CIDEB: variants seen among roughly 807,000 people sequenced by gnomAD.
CIDEB encodes the protein lipid transferase CIDEB.
CIDEB carries 27 observed loss-of-function variants against 22.4 expected under a neutral mutation model. That is an observed-to-expected ratio of 1.21 (90% CI 0.89 to 1.66). The LOEUF (loss-of-function observed/expected upper bound fraction) is 1.66, where lower values mean the gene tolerates loss of function less well. Among genes scored for constraint, CIDEB ranks in the 40% most tolerant of loss-of-function variants. The pLI is 0.00. For synonymous variants in CIDEB, 103 were observed against 109.5 expected, an observed-to-expected ratio of 0.94 and a Z score of 0.37; for missense variants, 289 against 268.7, an observed-to-expected ratio of 1.08 and a Z score of -0.53.
upstream of CIDEB, chr14:24,311,241 C>G (rs552807473): frequency 3.1e-6 from 5 of 1,608,194 alleles, no homozygotes; most frequent in Middle Eastern, 1.7e-4. Context: ...TTTCGTGCTT[C>G]CTTTCGGGCT....
upstream of CIDEB, chr14:24,310,524 G>T: frequency 1.1e-6 from 1 of 915,504 alleles, no homozygotes. Flanking sequence ...TGGAAGTCAG[G>T]ACTCCCAGGC....
At position 24,307,511 on chromosome 14, in the gene CIDEB, C is replaced by T. The variant is rs1366603021; in HGVS notation, c.46G>A (p.Val16Ile). ...CCAAACTCCGAGCTTATATTAGATA[C>T]TGACCTGGTAGTTGAGAAGAAAAGT... is the stretch of plus-strand genomic sequence containing the variant. ...ALNPSDLLRSVSNISSEFGRR... is the reference protein window; with the variant it reads ...ALNPSDLLRSISNISSEFGRR... The change falls in exon 2 of 5, where the codon GTA becomes ATA. Residue 16 changes from valine to isoleucine, a missense_variant. By Grantham distance (29) the Val-to-Ile change is conservative. Transcript: ENST00000554411. The T allele has an allele frequency of 6.2e-7, 1 of 1,613,054 alleles. No individual in the cohort carries two copies. The highest frequency in any genetic ancestry group is 1.7e-5 in the Admixed American group (1 of 59,868).
chr14:24,310,627 C>T (rs1187582124), upstream of CIDEB: 2 of 1,610,754 alleles, frequency 1.2e-6, no homozygotes, highest in South Asian at 2.2e-5. Context: ...CCTGAACGCC[C>T]TCTGTGGCGC....
In CIDEB at chr14:24,307,403, T is replaced by G. The variant is rs778870257; in HGVS notation, c.154A>C (p.Thr52Pro). The stretch of plus-strand genomic sequence containing the variant: ...AGCAGCTCCTGGCGGGTGGCAGCTG[T>G]CAGGCCTTTCCGGATGGTCCGCTTG... ...DHKRTIRKGL[T>P]AATRQELLAK... The change falls in exon 2 of 5, where the codon ACA becomes CCA. Residue 52 changes from threonine (T) to proline (P), a missense_variant. Coordinates refer to ENST00000554411, the MANE Select transcript of CIDEB (RefSeq NM_001393339.1). 9.3e-6 allele frequency: 15 copies of G among 1,613,746 alleles called. No homozygotes were observed. Among genetic ancestry groups the G allele is most frequent in the Non-Finnish European group, 1.3e-5 (15 of 1,179,908 alleles).
upstream of CIDEB, chr14:24,311,379 C>A: frequency 1.2e-6 from 2 of 1,603,360 alleles, no homozygotes; most frequent in Non-Finnish European, 1.7e-6. Context: ...GCTCTGGGCC[C>A]CCTACCACGC....
At chr14:24,307,300 C>A in intron 2 of CIDEB, 71 bp downstream of exon 2, 1 of 1,514,024 alleles carries the variant, frequency 6.6e-7, no homozygotes, top group Admixed American at 1.9e-5. Context: ...GCTCCATCAT[C>A]ACAAGTTGCC....
upstream of CIDEB, chr14:24,311,061 C>T: frequency 6.4e-7 from 1 of 1,566,442 alleles, no homozygotes; most frequent in Non-Finnish European, 8.6e-7. Context: ...GCCTCGGCTG[C>T]GCAGCCCGGC....
chr14:24,306,198 A>G (rs1402518656), intron 3 of CIDEB, 61 bp from the exon 4 acceptor site: 3 of 1,528,996 alleles, frequency 2.0e-6, no homozygotes, highest in African/African-American at 2.7e-5. Context: ...ACTAATCTCC[A>G]TCAGCACTGG....
At chr14:24,308,935 G>A (rs941618172), upstream of CIDEB, 2 of 152,198 alleles carry the variant, frequency 1.3e-5, no homozygotes, top group Admixed American at 6.5e-5. Flanking sequence ...TATTCAGGTT[G>A]TTGCCCAAAA....
At chr14:24,310,926 C>A, upstream of CIDEB, 1 of 1,589,454 alleles carries the variant, frequency 6.3e-7, no homozygotes, top group Non-Finnish European at 8.5e-7. Flanking sequence ...GCAGGCCTGG[C>A]CGCTGGGCCA....
chr14:24,305,497 G>T lies in CIDEB; in HGVS notation c.*136C>A. ...GCGTTATGCTGAAAGGTTCTGTCAC[G>T]AGGGGATCAGAGGACAGTGGGGAAA... On this transcript the variant is annotated 3_prime_UTR_variant, in exon 5 of 5. Transcript: ENST00000554411. 1 of 1,052,940 alleles carries T rather than the reference G, an allele frequency of 9.5e-7. No individual in the cohort carries two copies. Among genetic ancestry groups the T allele is most frequent in the Non-Finnish European group, 1.4e-6 (1 of 724,216 alleles). 65.2% of individuals were successfully genotyped at this position (1,052,940 alleles called of 1,614,324 possible).
upstream of CIDEB, chr14:24,310,915 G>T (rs1291919442): frequency 6.3e-7 from 1 of 1,589,874 alleles, no homozygotes; most frequent in African/African-American, 1.4e-5. Flanking sequence ...TTCCTGACCC[G>T]GCAGGCCTGG....
At chr14:24,307,772 C>G in intron 1 of CIDEB, 46 bp downstream of exon 1, 1 of 1,555,156 alleles carries the variant, frequency 6.4e-7, no homozygotes, top group African/African-American at 1.4e-5. Flanking sequence ...GTTGCCCTGC[C>G]TATATCCCCT....
Position 24,305,322 on chromosome 14 carries a change from G to C in CIDEB, c.*311C>G, listed in dbSNP as rs1566414783. 3.6e-6 allele frequency: 2 copies of C among 560,324 alleles called. No homozygotes were observed. Among genetic ancestry groups the C allele is most frequent in the East Asian group, 6.2e-5 (2 of 32,294 alleles). The allele number at this position is 560,324 out of a possible 1,614,324, so 34.7% of individuals were successfully genotyped here. On this transcript the variant is annotated 3_prime_UTR_variant, in exon 5 of 5. Transcript: ENST00000554411. ...GGGGAGTTTAGGGACAGGAGGCATTGGTAGGGGATTAGATGTAGCAGCAGT... is the reference window on the plus strand; with the variant it reads ...GGGGAGTTTAGGGACAGGAGGCATTCGTAGGGGATTAGATGTAGCAGCAGT...
chr14:24,307,155 C>G (rs187334529), intron 2 of CIDEB: 16 of 464,516 alleles, frequency 3.4e-5, no homozygotes, highest in Admixed American at 2.7e-4. Context: ...CGAACTCTCC[C>G]TATCTCCTGC....
chr14:24,308,119 G>T, upstream of CIDEB: 1 of 542,922 alleles, frequency 1.8e-6, no homozygotes, highest in Non-Finnish European at 3.3e-6. Flanking sequence ...TGTGTCTTTG[G>T]TGATGACATG....
intron 3 of CIDEB, 109 bp downstream of exon 3, chr14:24,306,265 C>T (rs916649469): frequency 1.3e-6 from 2 of 1,543,784 alleles, no homozygotes; most frequent in African/African-American, 2.7e-5. Flanking sequence ...TTGACAATTC[C>T]ACAACTCCTC....
At chr14:24,307,785 A>G in intron 1 of CIDEB, 33 bp downstream of exon 1, 1 of 1,577,212 alleles carries the variant, frequency 6.3e-7, no homozygotes, top group Non-Finnish European at 8.6e-7. Flanking sequence ...TATCCCCTAA[A>G]GGTGGAGGGT....
At chr14:24,310,618 C>T (rs1757542261), upstream of CIDEB, 2 of 1,602,894 alleles carry the variant, frequency 1.2e-6, no homozygotes, top group African/African-American at 1.3e-5. Context: ...TGCCCCACCC[C>T]TGAACGCCCT....
Sources: gnomAD v4.1 joint callset for allele counts on GRCh38, gnomAD v4.1.1 for gene constraint, MANE v1.5 for transcripts, NCBI Gene and HGNC (gene_info 2026-07-23, HGNC 2026-07-21) for gene names.